The following SLC14A2 variants were observed in gnomAD, a reference collection of about 807,000 sequenced individuals.
SLC14A2 encodes solute carrier family 14 member 2.
SLC14A2 carries 91 observed loss-of-function variants against 104.6 expected under a neutral mutation model. That is an observed-to-expected ratio of 0.87 (90% CI 0.73 to 1.04). The LOEUF (loss-of-function observed/expected upper bound fraction) is 1.04. Among genes scored for constraint, SLC14A2 ranks in the 50% least tolerant of loss-of-function variants. The pLI, the probability that SLC14A2 is intolerant of heterozygous loss-of-function variation, is 0.00. For missense variants in SLC14A2, 1,189 were observed against 1,156.0 expected (o/e 1.03, Z -0.41); for synonymous variants, 476 against 466.4 (o/e 1.02, Z -0.27).
chr18:45,487,444 A>G (rs1249391993), intron 2 of SLC14A2, among the ~76,000 whole-genome samples: 2 of 152,192 alleles, frequency 1.3e-5, no homozygotes, highest in African/African-American at 4.8e-5. Context: ...ACACATTCGC[A>G]AGTTCCTGGG....
chr18:45,214,954 A>C (rs2083996935), intron 1 of SLC14A2, among the ~76,000 whole-genome samples: 1 of 151,716 alleles, frequency 6.6e-6, no homozygotes, highest in African/African-American at 2.4e-5. Context: ...ATAAAAGAAA[A>C]AAAAGATACC....
At chr18:45,403,045 C>A (rs962575850) in intron 1 of SLC14A2, among the ~76,000 whole-genome samples, 2 of 152,190 alleles carry the variant, frequency 1.3e-5, no homozygotes, top group African/African-American at 4.8e-5. Flanking sequence ...GTGGCTTAAA[C>A]AACAAAATTT....
chr18:45,452,625 C>G (rs2086875748), intron 1 of SLC14A2, among the ~76,000 whole-genome samples: 1 of 152,204 alleles, frequency 6.6e-6, no homozygotes, highest in Non-Finnish European at 1.5e-5. Flanking sequence ...TTACATTTCT[C>G]TCTCCAACAC....
chr18:45,368,706 G>A (rs776679619), intron 1 of SLC14A2, among the ~76,000 whole-genome samples: 15 of 152,210 alleles, frequency 9.9e-5, no homozygotes, highest in Non-Finnish European at 1.6e-4. Context: ...CAAAAAGCAA[G>A]TGGAGACGAA....
At chr18:45,609,827 C>A (rs1468838475) in intron 2 of SLC14A2, among the ~76,000 whole-genome samples, 1 of 152,218 alleles carries the variant, frequency 6.6e-6, no homozygotes, top group East Asian at 1.9e-4. Context: ...ATTGCTTCAA[C>A]CCTGAGCAGG....
In SLC14A2 at chr18:45,268,894, C is replaced by T. The variant is rs77261197; in HGVS notation, c.-125+55703C>T. On this transcript the variant is annotated intron_variant, in intron 1 of 20. Coordinates refer to the SLC14A2 transcript ENST00000586448. ...GGTGGAGGAATTGAAGTGGAGGCAC[C>T]AAGGGGAGTTCTGATCTGGGTGGAA... is the stretch of plus-strand genomic sequence containing the variant. Among the ~76,000 whole-genome samples, 1,221 of 151,816 alleles carry T rather than the reference C, an allele frequency of 8.0e-3. 19 individuals are homozygous for T. The highest frequency in any genetic ancestry group is 0.028 in the African/African-American group (1,147 of 41,356).
intron 2 of SLC14A2, among the ~76,000 whole-genome samples, chr18:45,574,550 C>A (rs183993218): frequency 6.6e-6 from 1 of 152,318 alleles, no homozygotes; most frequent in African/African-American, 2.4e-5. Flanking sequence ...AATAGACCAA[C>A]AACACACACT....
intron 2 of SLC14A2, among the ~76,000 whole-genome samples, chr18:45,516,157 C>T (rs2043437736): frequency 6.6e-6 from 1 of 152,158 alleles, no homozygotes; most frequent in Non-Finnish European, 1.5e-5. Flanking sequence ...AAAATATAAA[C>T]TCTCCATGAT....
Position 45,678,993 on chromosome 18 carries a change from T to G in SLC14A2, c.2531T>G (p.Leu844Arg), listed in dbSNP as rs755707212. 1.3e-6 allele frequency: 2 copies of G among 1,596,818 alleles called. No individual in the cohort carries two copies. The highest frequency in any genetic ancestry group is 8.6e-7 in the Non-Finnish European group (1 of 1,169,024). Residue 844 changes from leucine (L) to arginine (R), a missense_variant, in exon 19 of 20, where the codon CTG (leucine) becomes CGG (arginine). By Grantham distance (102) the Leu-to-Arg change is moderately radical. Transcript: ENST00000255226. ...AIACALFAAY[L>R]GAALANMLSV... ...TTTCTAGCACTGTTTGCTGCCTACC[T>G]GGGTGCTGCCCTGGCTAACATGTTA...
chr18:45,370,545 T>C (rs1269608260), intron 1 of SLC14A2, among the ~76,000 whole-genome samples: 3 of 152,202 alleles, frequency 2.0e-5, no homozygotes, highest in Admixed American at 2.0e-4. Context: ...CACTCAACCT[T>C]TTCCTGTCAG....
intron 2 of SLC14A2, among the ~76,000 whole-genome samples, chr18:45,574,824 C>T (rs751765639): frequency 1.3e-5 from 2 of 152,244 alleles, no homozygotes; most frequent in Non-Finnish European, 2.9e-5. Context: ...TCTCTTCCCA[C>T]GCTTGGCTCC....
At chr18:45,323,762 T>C (rs1351933437) in intron 1 of SLC14A2, among the ~76,000 whole-genome samples, 1 of 152,200 alleles carries the variant, frequency 6.6e-6, no homozygotes, top group African/African-American at 2.4e-5. Flanking sequence ...AGTGGACTTG[T>C]TTGCCAAGGT....
Position 45,465,988 on chromosome 18 carries a change from C to G in SLC14A2, c.-124-17245C>G, listed in dbSNP as rs575875683. ...AACAACAACCAACACTTACTGAGTG[C>G]TTTAAATAATGCTGGGCATTGGGTT... On this transcript the variant is annotated intron_variant, in intron 1 of 20. Coordinates refer to the SLC14A2 transcript ENST00000586448. 2.0e-5 allele frequency among the ~76,000 whole-genome samples: 3 copies of G among 152,268 alleles called. No homozygotes were observed. In the East Asian group the frequency reaches 5.8e-4, roughly 29 times the overall value.
chr18:45,488,881 A>G (rs547455347), intron 2 of SLC14A2, among the ~76,000 whole-genome samples: 1 of 152,226 alleles, frequency 6.6e-6, no homozygotes, highest in Non-Finnish European at 1.5e-5. Flanking sequence ...GTGGTGAGCC[A>G]GCACTGCATA....
rs114315312 is a variant in SLC14A2 at position 45,350,583 on chromosome 18, G to A, written c.-124-132650G>A. Among the ~76,000 whole-genome samples the A allele has an allele frequency of 6.8e-3, 1,036 of 152,184 alleles. 6 individuals carry two copies. Among genetic ancestry groups the A allele is most frequent in the African/African-American group, 0.021 (876 of 41,506 alleles). On this transcript the variant is annotated intron_variant, in intron 1 of 20. Coordinates refer to the SLC14A2 transcript ENST00000586448. Reference sequence around the variant, plus strand: ...GTGTGGCTGGACTAGTTTATGTGACGGGTCACACATTAGGTACCTAATTGA... The same window carrying A: ...GTGTGGCTGGACTAGTTTATGTGACAGGTCACACATTAGGTACCTAATTGA...
intron 1 of SLC14A2, among the ~76,000 whole-genome samples, chr18:45,429,716 C>T (rs999594747): frequency 2.6e-5 from 4 of 152,158 alleles, no homozygotes; most frequent in African/African-American, 9.7e-5. Context: ...GACAGAAGTG[C>T]GTGAGTTTGA....
intron 1 of SLC14A2, among the ~76,000 whole-genome samples, chr18:45,297,648 G>A (rs1265550679): frequency 6.9e-6 from 1 of 145,298 alleles, no homozygotes; most frequent in Non-Finnish European, 1.5e-5. Flanking sequence ...CAACAGGATT[G>A]CTGGGATGGC....
intron 1 of SLC14A2, among the ~76,000 whole-genome samples, chr18:45,245,520 C>T (rs972511073): frequency 3.3e-5 from 5 of 152,170 alleles, no homozygotes; most frequent in African/African-American, 1.2e-4. Context: ...AAAAACAAAA[C>T]CTGTTGGCCA....
At chr18:45,594,939 C>G (rs2044700171) in intron 2 of SLC14A2, among the ~76,000 whole-genome samples, 1 of 152,128 alleles carries the variant, frequency 6.6e-6, no homozygotes, top group Non-Finnish European at 1.5e-5. Flanking sequence ...TCCCCACCGA[C>G]CCCCAACCCC....
Sources: gnomAD v4.1 joint callset for allele counts (sites outside exome capture counted in the v4.1 genomes callset) on GRCh38, gnomAD v4.1.1 for gene constraint, MANE v1.5 for transcripts, NCBI Gene and HGNC (gene_info 2026-07-23, HGNC 2026-07-21) for gene names.